Variants in UBTD1 observed in about 807,000 individuals in gnomAD.
The protein encoded by UBTD1 is ubiquitin domain-containing protein 1.
In UBTD1, 19 loss-of-function variants were observed where a neutral mutation model predicts 21.7. The ratio of observed to expected loss-of-function variants is 0.87; its 90% CI spans 0.61 to 1.28. The LOEUF is 1.28. Ranked by LOEUF, UBTD1 falls within the 50% of genes most tolerant of loss-of-function variation. The pLI, the probability that UBTD1 is intolerant of heterozygous loss-of-function variation, is 0.00. For synonymous variants in UBTD1, 116 were observed against 135.1 expected (o/e 0.86, Z 0.98); for missense variants, 282 against 315.1 (o/e 0.89, Z 0.80).
chr10:97,503,982 C>G (rs1437928403), intron 1 of UBTD1, among the ~76,000 whole-genome samples: 8 of 152,100 alleles, frequency 5.3e-5, no homozygotes, highest in Non-Finnish European at 1.2e-4. Flanking sequence ...GAATGAACCC[C>G]CATCCCATCC....
At chr10:97,565,204 G>A (rs2040711681) in intron 1 of UBTD1, among the ~76,000 whole-genome samples, 1 of 151,940 alleles carries the variant, frequency 6.6e-6, no homozygotes, top group Non-Finnish European at 1.5e-5. Flanking sequence ...GGCTTTTTTT[G>A]TCCAACAGTC....
At chr10:97,530,323 A>G (rs2040523100) in intron 1 of UBTD1, among the ~76,000 whole-genome samples, 1 of 152,210 alleles carries the variant, frequency 6.6e-6, no homozygotes, top group Admixed American at 6.5e-5. Flanking sequence ...CTTTAATCCC[A>G]GTGACTCAGG....
chr10:97,550,469 G>A (rs140194726), intron 1 of UBTD1, among the ~76,000 whole-genome samples: 162 of 152,184 alleles, frequency 1.1e-3, no homozygotes, highest in African/African-American at 3.7e-3. Context: ...GGGCCAGCCC[G>A]CTGCAGACCT....
At chr10:97,553,079 T>G (rs913684572) in intron 1 of UBTD1, among the ~76,000 whole-genome samples, 3 of 152,262 alleles carry the variant, frequency 2.0e-5, no homozygotes, top group African/African-American at 7.2e-5. Context: ...CATATGAATG[T>G]TCACACTTTC....
chr10:97,532,797 AAAAAGAAAGAAAG>A (rs1461316852), intron 1 of UBTD1, among the ~76,000 whole-genome samples: 65 of 114,744 alleles, frequency 5.7e-4, no homozygotes, highest in African/African-American at 1.8e-3. Flanking sequence ...TCTCAAAAAA[AAAAAGAAAGAAAG>A]AAAGAAAGAA....
At chr10:97,511,847 C>G (rs1201432738) in intron 1 of UBTD1, among the ~76,000 whole-genome samples, 2 of 152,174 alleles carry the variant, frequency 1.3e-5, no homozygotes, top group Non-Finnish European at 2.9e-5. Context: ...TCACTGTTTA[C>G]AGTTTTCACA....
chr10:97,519,257 T>C (rs909015635), intron 1 of UBTD1, among the ~76,000 whole-genome samples: 2 of 152,222 alleles, frequency 1.3e-5, no homozygotes, highest in African/African-American at 4.8e-5. Flanking sequence ...ATGGTAGAGG[T>C]TGTAGTATTT....
rs2135682071 is a variant in UBTD1 at position 97,553,738 on chromosome 10, C to G, written c.71-14176C>G. ...TGACTGAGAAGGCAACGGTTGGACT[C>G]CTGGGCTCAGCTTACATTAACCCTG... On this transcript the variant is annotated intron_variant, in intron 1 of 2. Transcript: ENST00000370664. Among the ~76,000 whole-genome samples, 2 of 152,304 alleles carry G rather than the reference C, an allele frequency of 1.3e-5. 1 individual carries two copies. The highest frequency in any genetic ancestry group is 3.9e-4 in the East Asian group (2 of 5,194).
chr10:97,570,664 T>A lies in UBTD1; in HGVS notation c.*141T>A. On this transcript the variant is annotated 3_prime_UTR_variant, in exon 3 of 3. Coordinates refer to ENST00000370664, the MANE Select transcript of UBTD1 (RefSeq NM_024954.5). The surrounding 1 kb of genome is among the most constrained non-coding windows in gnomAD (Gnocchi z 6.6). ...GTGAGCCGTGAAGGGACCCTGCCTT[T>A]CAGGGCACTACGCGCCACCAGTTCC... is the stretch of plus-strand genomic sequence containing the variant. The A allele has an allele frequency of 2.8e-6, 3 of 1,070,964 alleles. No homozygotes were observed. The highest frequency in any genetic ancestry group is 3.3e-5 in the South Asian group (2 of 61,218). 66.3% of individuals were successfully genotyped at this position (1,070,964 alleles called of 1,614,324 possible).
intron 1 of UBTD1, among the ~76,000 whole-genome samples, chr10:97,514,902 A>C (rs979642131): frequency 6.6e-6 from 1 of 152,162 alleles, no homozygotes; most frequent in Non-Finnish European, 1.5e-5. Context: ...GAGGGCACAC[A>C]GTTTGAAAAC....
At chr10:97,512,834 G>T (rs562928565) in intron 1 of UBTD1, among the ~76,000 whole-genome samples, 2 of 152,328 alleles carry the variant, frequency 1.3e-5, no homozygotes, top group East Asian at 3.9e-4. Context: ...TGGGGCCATA[G>T]CCCAGAGCAA....
chr10:97,527,810 T>C (rs539464953), intron 1 of UBTD1, among the ~76,000 whole-genome samples: 5 of 152,312 alleles, frequency 3.3e-5, no homozygotes, highest in Admixed American at 3.3e-4. Flanking sequence ...GAAGAATTTT[T>C]CTTAGTACAG....
intron 1 of UBTD1, among the ~76,000 whole-genome samples, chr10:97,505,414 G>A (rs1194728478): frequency 6.6e-6 from 1 of 152,200 alleles, no homozygotes; most frequent in East Asian, 1.9e-4. Flanking sequence ...AGGAGGTCTA[G>A]TCTCTGCCAC....
At chr10:97,506,893 T>G (rs992615991) in intron 1 of UBTD1, among the ~76,000 whole-genome samples, 2 of 152,240 alleles carry the variant, frequency 1.3e-5, no homozygotes, top group Non-Finnish European at 2.9e-5. Flanking sequence ...CACATTTTGC[T>G]TATTCATTCC....
intron 1 of UBTD1, among the ~76,000 whole-genome samples, chr10:97,552,193 C>T (rs2040640943): frequency 6.7e-6 from 1 of 148,928 alleles, no homozygotes; most frequent in African/African-American, 2.6e-5. Context: ...GGCGAGACCC[C>T]ATCTCTAAAA....
At chr10:97,536,638 A>G (rs1336836535) in intron 1 of UBTD1, among the ~76,000 whole-genome samples, 1 of 152,142 alleles carries the variant, frequency 6.6e-6, no homozygotes, top group African/African-American at 2.4e-5. Flanking sequence ...GGGCCAACTC[A>G]TGGGGCCTCA....
chr10:97,556,645 G>T (rs955863669), intron 1 of UBTD1, among the ~76,000 whole-genome samples: 22 of 152,214 alleles, frequency 1.4e-4, no homozygotes, highest in African/African-American at 5.1e-4. Flanking sequence ...TTCGCGGGAA[G>T]CATAGACTGG....
intron 1 of UBTD1, among the ~76,000 whole-genome samples, chr10:97,528,901 A>AC (rs1404153086): frequency 2.0e-5 from 2 of 97,624 alleles, no homozygotes; most frequent in Admixed American, 1.1e-4. Context: ...TGGGGGGCTG[A>AC]CCCCCCACCT....
At chr10:97,534,057 G>A (rs915487433) in intron 1 of UBTD1, among the ~76,000 whole-genome samples, 1 of 152,200 alleles carries the variant, frequency 6.6e-6, no homozygotes, top group African/African-American at 2.4e-5. Context: ...TTGCAGGCAG[G>A]ACCAGCTGCA....
Sources: gnomAD v4.1 joint callset for allele counts (sites outside exome capture counted in the v4.1 genomes callset) on GRCh38, gnomAD v4.1.1 for gene constraint, Gnocchi (gnomAD v3.1) non-coding constraint, MANE v1.5 for transcripts, NCBI Gene and HGNC (gene_info 2026-07-23, HGNC 2026-07-21) for gene names.